AGAP1: variants seen among roughly 807,000 people sequenced by gnomAD.
AGAP1 encodes the protein ArfGAP with GTPase domain, ankyrin repeat and PH domain 1, also known as arf-GAP with GTPase, ANK repeat and PH domain-containing protein 1.
AGAP1 carries 29 observed loss-of-function variants against 105.3 expected under a neutral mutation model. The observed-to-expected ratio is 0.28, with a 90% CI of 0.21 to 0.38. The LOEUF is 0.38. AGAP1 is among the 10% of genes least tolerant of loss of function. The pLI is 1.00. For synonymous variants in AGAP1, 509 were observed against 485.9 expected (o/e 1.05, Z -0.63); for missense variants, 998 against 1,165.1 (o/e 0.86, Z 2.09).
intron 1 of AGAP1, among the ~76,000 whole-genome samples, chr2:235,674,322 C>G (rs1948605676): frequency 6.6e-6 from 1 of 152,210 alleles, no homozygotes; most frequent in Non-Finnish European, 1.5e-5. Context: ...AGTCCGTTGA[C>G]TCAAGTATAA....
At chr2:236,013,455 TGTCGTAA>T (rs1302852200) in intron 13 of AGAP1, among the ~76,000 whole-genome samples, 1 of 152,202 alleles carries the variant, frequency 6.6e-6, no homozygotes, top group East Asian at 1.9e-4. Context: ...AGAGTTAACC[TGTCGTAA>T]GTCAGGAACA....
intron 1 of AGAP1, among the ~76,000 whole-genome samples, chr2:235,544,510 G>C (rs770414165): frequency 6.6e-6 from 1 of 152,170 alleles, no homozygotes; most frequent in African/African-American, 2.4e-5. Flanking sequence ...GGCTTCCATC[G>C]CTGGAAATCC....
chr2:235,727,905 C>T (rs542281207), intron 3 of AGAP1, among the ~76,000 whole-genome samples: 8 of 152,276 alleles, frequency 5.3e-5, no homozygotes, highest in African/African-American at 1.9e-4. Context: ...GTTTGGGGGC[C>T]TGGCTGTGGG....
intron 6 of AGAP1, chr2:235,773,898 T>A: frequency 2.2e-6 from 1 of 452,990 alleles, no homozygotes; most frequent in South Asian, 1.7e-5. Context: ...TTTTTCTTCT[T>A]TTCTTGCTTG....
chr2:235,506,773 G>A (rs1941833429), intron 1 of AGAP1, among the ~76,000 whole-genome samples: 2 of 152,188 alleles, frequency 1.3e-5, no homozygotes, highest in Admixed American at 1.3e-4. Context: ...TCACATCCAT[G>A]TTCATCCTCT....
At chr2:235,652,351 C>T (rs1947624447) in intron 1 of AGAP1, among the ~76,000 whole-genome samples, 1 of 152,102 alleles carries the variant, frequency 6.6e-6, no homozygotes, top group African/African-American at 2.4e-5. Flanking sequence ...ACCCCCCAGG[C>T]CACTGTGTCC....
At chr2:236,118,393 T>C (rs905309802) in intron 16 of AGAP1, among the ~76,000 whole-genome samples, 5 of 148,684 alleles carry the variant, frequency 3.4e-5, no homozygotes, top group African/African-American at 9.9e-5. Flanking sequence ...TTTTCTTTTT[T>C]TTTTTTTTTT....
At position 235,906,042 on chromosome 2, in the gene AGAP1, A is replaced by G. The variant is rs1575746178; in HGVS notation, c.1156-2696A>G. ...ATTTGTTGTTCCCAGCCCAGATACCACCCTCCCGTTACCCGAACCCACCAT... is the reference window on the plus strand; with the variant it reads ...ATTTGTTGTTCCCAGCCCAGATACCGCCCTCCCGTTACCCGAACCCACCAT... On this transcript the variant is annotated intron_variant, in intron 10 of 17. Coordinates refer to ENST00000304032, the MANE Select transcript of AGAP1 (RefSeq NM_001037131.3). This position sits in a 1 kb window ranked among gnomAD's most constrained non-coding sequence, Gnocchi z 5.3. Among the ~76,000 whole-genome samples the G allele has an allele frequency of 6.6e-6, 1 of 151,586 alleles. No homozygotes were observed. Among genetic ancestry groups the G allele is most frequent in the East Asian group, 2.0e-4 (1 of 5,128 alleles).
At chr2:235,657,115 T>A (rs1947798648) in intron 1 of AGAP1, among the ~76,000 whole-genome samples, 1 of 152,210 alleles carries the variant, frequency 6.6e-6, no homozygotes, top group Admixed American at 6.5e-5. Flanking sequence ...CATGAGGGAC[T>A]CTCTGCTTCT....
At chr2:235,636,269 G>A (rs886358084) in intron 1 of AGAP1, among the ~76,000 whole-genome samples, 2 of 152,048 alleles carry the variant, frequency 1.3e-5, no homozygotes, top group Non-Finnish European at 1.5e-5. Context: ...TTATCCTTGG[G>A]GCACCTTTCT....
intron 10 of AGAP1, among the ~76,000 whole-genome samples, chr2:235,896,871 A>G (rs1486843742): frequency 6.6e-6 from 1 of 152,266 alleles, no homozygotes; most frequent in East Asian, 1.9e-4. Context: ...AGGACTCTGT[A>G]TCAAAGTCTA....
At chr2:235,796,387 T>C (rs910625618) in intron 6 of AGAP1, among the ~76,000 whole-genome samples, 1 of 152,196 alleles carries the variant, frequency 6.6e-6, no homozygotes, top group African/African-American at 2.4e-5. Context: ...GGTTCTGAGA[T>C]GACAGAGTGC....
At position 236,129,645 on chromosome 2, in the gene AGAP1, C is replaced by T. The variant is rs147387023; in HGVS notation, c.*5523C>T. On this transcript the variant is annotated 3_prime_UTR_variant, in exon 18 of 18. Transcript: ENST00000304032. The surrounding 1 kb of genome is among the most constrained non-coding windows in gnomAD (Gnocchi z 6.2). ...TTACTTAGATATTACTGTTTCAAAA[C>T]ACAAACTTTATTCCCCTTAGAGAAG... 6.6e-6 allele frequency: 1 copy of T among 152,318 alleles called. No individual in the cohort carries two copies. Among genetic ancestry groups the T allele is most frequent in the East Asian group, 1.9e-4 (1 of 5,180 alleles). The allele number at this position is 152,318 out of a possible 1,614,324, so 9.4% of individuals were successfully genotyped here. A position where few individuals can be genotyped will look rare whatever the true frequency, so the allele number is the denominator to read the frequency against.
In AGAP1 at chr2:235,655,308, T is replaced by C. The variant is rs1947737385; in HGVS notation, c.164-53871T>C. Among the ~76,000 whole-genome samples the C allele has an allele frequency of 6.6e-6, 1 of 152,186 alleles. No individual in the cohort carries two copies. The highest frequency in any genetic ancestry group is 1.5e-5 in the Non-Finnish European group (1 of 68,028). On this transcript the variant is annotated intron_variant, in intron 1 of 17. Transcript: ENST00000304032. The surrounding 1 kb of genome is among the most constrained non-coding windows in gnomAD (Gnocchi z 4.3). ...TTCGTAGCCTGGTATATGCATTCCT[T>C]GTGGTGTGTATTAATAAATTGAGTA...
At chr2:235,786,283 G>T (rs113763035) in intron 6 of AGAP1, among the ~76,000 whole-genome samples, 1 of 152,212 alleles carries the variant, frequency 6.6e-6, no homozygotes, top group Non-Finnish European at 1.5e-5. Flanking sequence ...GATTTGTACT[G>T]TGTTTAATTG....
At chr2:236,030,171 ATTTG>A (rs1258114268) in intron 13 of AGAP1, among the ~76,000 whole-genome samples, 2 of 152,148 alleles carry the variant, frequency 1.3e-5, no homozygotes, top group African/African-American at 4.8e-5. Flanking sequence ...TCGTCTTGAT[ATTTG>A]TTTAAGAGCA....
intron 9 of AGAP1, among the ~76,000 whole-genome samples, chr2:235,814,789 G>A (rs909015216): frequency 2.0e-5 from 3 of 152,202 alleles, no homozygotes; most frequent in Non-Finnish European, 4.4e-5. Flanking sequence ...CAGAGCTGCG[G>A]ATGGAGGGGT....
chr2:235,925,098 T>G (rs186388731), intron 11 of AGAP1, among the ~76,000 whole-genome samples: 1 of 152,278 alleles, frequency 6.6e-6, no homozygotes, highest in Admixed American at 6.5e-5. Context: ...GGCCACATCC[T>G]TGTACTTATC....
rs554652876 is a variant in AGAP1, at chr2:235,691,977, A to G, written c.164-17202A>G. Among the ~76,000 whole-genome samples, 2 of 152,342 alleles carry G rather than the reference A, an allele frequency of 1.3e-5. 1 individual carries two copies. Among genetic ancestry groups the G allele is most frequent in the South Asian group, 4.1e-4 (2 of 4,828 alleles). ...AGAAATAACAGCATCACGATAGCAC[A>G]TTCTCTAGTTGCTGGTTATCTAGTT... On this transcript the variant is annotated intron_variant, in intron 1 of 17. Transcript: ENST00000304032. This position sits in a 1 kb window ranked among gnomAD's most constrained non-coding sequence, Gnocchi z 4.4.
Sources: allele counts gnomAD v4.1 joint callset (sites outside exome capture counted in the v4.1 genomes callset), GRCh38; gene constraint gnomAD v4.1.1; non-coding constraint Gnocchi (gnomAD v3.1); transcripts MANE v1.5; gene names NCBI Gene and HGNC (gene_info 2026-07-23, HGNC 2026-07-21).